Variants in ADGRB3 observed in about 807,000 individuals in gnomAD.
ADGRB3 encodes the protein adhesion G protein-coupled receptor B3.
ADGRB3 carries 37 observed loss-of-function variants against 193.4 expected under a neutral mutation model. That is an observed-to-expected ratio of 0.19 (90% CI 0.15 to 0.25). The LOEUF (loss-of-function observed/expected upper bound fraction) is 0.25. Ranked by LOEUF, ADGRB3 falls within the 10% of genes least tolerant of loss-of-function variation. ADGRB3 has a pLI of 1.00. For missense variants in ADGRB3, 1,637 were observed against 1,852.9 expected (o/e 0.88, Z 2.14); for synonymous variants, 690 against 644.2 (o/e 1.07, Z -1.08).
rs75638507 is a variant in ADGRB3 at position 69,171,757 on chromosome 6, C to CA, written c.2481-61524dup. The stretch of plus-strand genomic sequence containing the variant: ...TTAGCATAAAGAATGAATACAGAGT[C>CA]AAAAAAAAAGCCCTTTATTACTCCA... On this transcript the variant is annotated intron_variant, in intron 17 of 31. Transcript: ENST00000370598. Among the ~76,000 whole-genome samples, 97 of 150,268 alleles carry CA rather than the reference C, an allele frequency of 6.5e-4. 1 individual carries two copies. The highest frequency in any genetic ancestry group is 1.5e-3 in the African/African-American group (62 of 41,046).
intron 3 of ADGRB3, among the ~76,000 whole-genome samples, chr6:68,664,019 C>T (rs997794337): frequency 6.6e-6 from 1 of 151,770 alleles, no homozygotes; most frequent in African/African-American, 2.4e-5. Flanking sequence ...TCAGAAATTT[C>T]ATTCATGGGA....
chr6:69,204,047 G>GT (rs1765486942), intron 17 of ADGRB3, among the ~76,000 whole-genome samples: 1 of 152,046 alleles, frequency 6.6e-6, no homozygotes, highest in African/African-American at 2.4e-5. Context: ...AACACATTTA[G>GT]TTTTTAATAA....
chr6:68,923,291 T>C (rs1767095612), intron 3 of ADGRB3, among the ~76,000 whole-genome samples: 2 of 152,026 alleles, frequency 1.3e-5, no homozygotes, highest in Admixed American at 1.3e-4. Context: ...TAAAAATATG[T>C]AAAAGACAGA....
intron 20 of ADGRB3, among the ~76,000 whole-genome samples, chr6:69,261,466 A>G (rs1582587339): frequency 6.6e-6 from 1 of 152,256 alleles, no homozygotes; most frequent in African/African-American, 2.4e-5. Flanking sequence ...GGGAATTGTT[A>G]TATAAATATA....
chr6:68,758,547 T>A (rs953842339), intron 3 of ADGRB3, among the ~76,000 whole-genome samples: 2 of 152,150 alleles, frequency 1.3e-5, no homozygotes, highest in Admixed American at 1.3e-4. Context: ...TATGATTTTG[T>A]CTTATCTTCT....
chr6:68,663,251 G>A (rs1768712553), intron 3 of ADGRB3, among the ~76,000 whole-genome samples: 1 of 151,416 alleles, frequency 6.6e-6, no homozygotes, highest in African/African-American at 2.4e-5. Context: ...ATAATTTTTA[G>A]TACTCTGCTC....
intron 3 of ADGRB3, among the ~76,000 whole-genome samples, chr6:68,708,119 C>T (rs1365298201): frequency 1.3e-5 from 2 of 152,112 alleles, no homozygotes; most frequent in Non-Finnish European, 2.9e-5. Flanking sequence ...TTTCAGGTAA[C>T]AGACTTTTTG....
chr6:68,642,045 T>C (rs1455493835), intron 3 of ADGRB3, among the ~76,000 whole-genome samples: 1 of 152,106 alleles, frequency 6.6e-6, no homozygotes, highest in Non-Finnish European at 1.5e-5. Flanking sequence ...AAATTCCACT[T>C]ATATTTTATA....
At chr6:68,676,413 A>G (rs901176898) in intron 3 of ADGRB3, among the ~76,000 whole-genome samples, 3 of 148,712 alleles carry the variant, frequency 2.0e-5, no homozygotes, top group South Asian at 4.2e-4. Flanking sequence ...AAAAAAAAAG[A>G]AAAGGAGAGA....
At position 69,257,979 on chromosome 6, in the gene ADGRB3, G is replaced by A. The variant is rs183581148; in HGVS notation, c.2814+18753G>A. Among the ~76,000 whole-genome samples the A allele has an allele frequency of 2.0e-3, 311 of 152,230 alleles. 1 individual carries two copies. Among genetic ancestry groups the A allele is most frequent in the African/African-American group, 7.0e-3 (290 of 41,554 alleles). On this transcript the variant is annotated intron_variant, in intron 20 of 31. Coordinates refer to ENST00000370598, the MANE Select transcript of ADGRB3 (RefSeq NM_001704.3). ...GTGGAGATTGTTGGAGTGTATTTAC[G>A]CAGCTTTCCCAGTCTCATGTCCAGA...
rs35489989 is a variant in ADGRB3 at position 68,877,381 on chromosome 6, ATT to A, written c.758-53169_758-53168del. Among the ~76,000 whole-genome samples the A allele has an allele frequency of 3.1e-3, 469 of 150,912 alleles. 1 individual carries two copies. The highest frequency in any genetic ancestry group is 5.7e-3 in the Non-Finnish European group (386 of 67,550). On this transcript the variant is annotated intron_variant, in intron 3 of 31. Transcript: ENST00000370598. ...ATATGTTCAAAATAAAGAATTTAGG[ATT>A]TTTTTTTTATTTAGACTCAGAACAA... is the stretch of plus-strand genomic sequence containing the variant.
intron 3 of ADGRB3, among the ~76,000 whole-genome samples, chr6:68,834,451 A>G (rs1463758512): frequency 1.3e-5 from 2 of 152,192 alleles, no homozygotes; most frequent in Non-Finnish European, 2.9e-5. Flanking sequence ...ATGTGTGTTT[A>G]TATAATTTTC....
intron 17 of ADGRB3, 55 bp downstream of exon 17, chr6:69,076,093 A>G: frequency 6.7e-7 from 1 of 1,493,252 alleles, no homozygotes; most frequent in South Asian, 1.2e-5. Flanking sequence ...AAAGCACATT[A>G]AGTTAGTTCA....
intron 20 of ADGRB3, among the ~76,000 whole-genome samples, chr6:69,278,672 G>C (rs1288094261): frequency 1.3e-5 from 2 of 152,138 alleles, no homozygotes; most frequent in Non-Finnish European, 2.9e-5. Context: ...ATTGTTTGCT[G>C]TAAGAACCAG....
rs1007752324 is a variant in ADGRB3, at chr6:68,971,668, G to C, written c.1526-3095G>C. Among the ~76,000 whole-genome samples the C allele has an allele frequency of 4.6e-5, 7 of 152,238 alleles. 1 individual carries two copies. The highest frequency in any genetic ancestry group is 1.3e-4 in the Admixed American group (2 of 15,286). On this transcript the variant is annotated intron_variant, in intron 8 of 31. Coordinates refer to ENST00000370598, the MANE Select transcript of ADGRB3 (RefSeq NM_001704.3). ...CCATAGATGACAGGGATGACTGTAT[G>C]TGTTCCTAATACATAGTGGAAGTAG... is the stretch of plus-strand genomic sequence containing the variant.
chr6:69,126,860 GACA>G (rs1773866891), intron 17 of ADGRB3, among the ~76,000 whole-genome samples: 1 of 152,126 alleles, frequency 6.6e-6, no homozygotes, highest in Non-Finnish European at 1.5e-5. Flanking sequence ...ACTCTATGAT[GACA>G]ACAATAGAGT....
chr6:68,927,536 G>T (rs1411754926), intron 3 of ADGRB3, among the ~76,000 whole-genome samples: 3 of 152,040 alleles, frequency 2.0e-5, no homozygotes, highest in South Asian at 4.1e-4. Context: ...CCATTGCAAG[G>T]TATGGAGAGA....
chr6:68,696,460 C>G (rs530701134), intron 3 of ADGRB3, among the ~76,000 whole-genome samples: 1 of 151,284 alleles, frequency 6.6e-6, no homozygotes. Context: ...TTTGCACAAC[C>G]TAATTTGGAA....
Position 69,239,117 on chromosome 6 carries a change from T to C in ADGRB3, c.2712-7T>C, listed in dbSNP as rs1341424367. 1 of 1,537,254 alleles carries C rather than the reference T, an allele frequency of 6.5e-7. No homozygotes were observed. Among genetic ancestry groups the C allele is most frequent in the Non-Finnish European group, 8.9e-7 (1 of 1,120,014 alleles). Reference sequence around the variant, plus strand: ...TAAAGTTGGGTAACTTTTCTCTCTCTGGCTAGGTACATACGCTCTGAGAGA... The same window carrying C: ...TAAAGTTGGGTAACTTTTCTCTCTCCGGCTAGGTACATACGCTCTGAGAGA... On this transcript the variant is annotated splice_polypyrimidine_tract_variant and splice_region_variant and intron_variant, in intron 19 of 31. Transcript: ENST00000370598.
Sources: allele counts gnomAD v4.1 joint callset (sites outside exome capture counted in the v4.1 genomes callset), GRCh38; gene constraint gnomAD v4.1.1; transcripts MANE v1.5; gene names NCBI Gene and HGNC (gene_info 2026-07-23, HGNC 2026-07-21).